The following NBEA variants were observed in gnomAD, a reference collection of about 807,000 sequenced individuals.
NBEA encodes the protein neurobeachin, also known as lysosomal-trafficking regulator 2.
Under a neutral mutation model 343.4 loss-of-function variants are expected in NBEA, and 44 were observed. That is an observed-to-expected ratio of 0.13 (90% CI 0.10 to 0.16). The LOEUF (loss-of-function observed/expected upper bound fraction) is 0.16. NBEA is among the 10% of genes least tolerant of loss of function. The probability of loss-of-function intolerance (pLI) is 1.00; values close to 1 mark genes in which losing one functional copy is unlikely to be tolerated. For missense variants in NBEA, 2,555 were observed against 3,631.3 expected (o/e 0.70, Z 7.62); for synonymous variants, 1,175 against 1,238.7 (o/e 0.95, Z 1.08).
chr13:35,614,295 ACTT>A (rs1435299040), intron 48 of NBEA, among the ~76,000 whole-genome samples: 1 of 152,202 alleles, frequency 6.6e-6, no homozygotes, highest in Non-Finnish European at 1.5e-5. Flanking sequence ...AAGGAATGAT[ACTT>A]CATTTTTTAC....
intron 36 of NBEA, among the ~76,000 whole-genome samples, chr13:35,328,479 T>C (rs899136633): frequency 3.3e-5 from 5 of 151,928 alleles, no homozygotes; most frequent in Non-Finnish European, 7.4e-5. Flanking sequence ...ATTGTACATT[T>C]TGAAATAACT....
At chr13:35,506,209 C>T (rs1256084216) in intron 41 of NBEA, among the ~76,000 whole-genome samples, 6 of 152,052 alleles carry the variant, frequency 3.9e-5, no homozygotes, top group Non-Finnish European at 5.9e-5. Context: ...ACTACAGGCA[C>T]GTGCCAGCAC....
At chr13:35,297,059 G>C (rs1394768519) in intron 35 of NBEA, among the ~76,000 whole-genome samples, 1 of 151,744 alleles carries the variant, frequency 6.6e-6, no homozygotes, top group Non-Finnish European at 1.5e-5. Flanking sequence ...TAAAAACCAG[G>C]AAATTGATAT....
intron 31 of NBEA, among the ~76,000 whole-genome samples, chr13:35,206,898 C>T (rs117867157): frequency 0.013 from 1,902 of 152,012 alleles, 16 homozygotes; most frequent in Middle Eastern, 0.034. Flanking sequence ...ATGAAATAAA[C>T]GAAGGCATTA....
At chr13:35,497,222 T>G (rs981615388) in intron 41 of NBEA, among the ~76,000 whole-genome samples, 1 of 152,040 alleles carries the variant, frequency 6.6e-6, no homozygotes, top group African/African-American at 2.4e-5. Context: ...TAGGAGAAAT[T>G]GAGGAAGTGC....
intron 1 of NBEA, among the ~76,000 whole-genome samples, chr13:34,993,101 A>C (rs979248267): frequency 6.6e-6 from 1 of 152,160 alleles, no homozygotes; most frequent in Non-Finnish European, 1.5e-5. Context: ...CTATACTGCA[A>C]ACACACTAGC....
At chr13:35,308,944 A>C (rs1047305717) in intron 35 of NBEA, among the ~76,000 whole-genome samples, 3 of 151,712 alleles carry the variant, frequency 2.0e-5, no homozygotes, top group African/African-American at 4.8e-5. Flanking sequence ...GTTATCTATT[A>C]CATATTTAGC....
chr13:35,446,112 C>T (rs950222735), intron 39 of NBEA, among the ~76,000 whole-genome samples: 7 of 151,772 alleles, frequency 4.6e-5, no homozygotes, highest in South Asian at 4.2e-4. Flanking sequence ...TGATGGTTTC[C>T]GGCTTCATCC....
chr13:35,541,725 G>GGTGTGTGTGTGTGTGT (rs3075505), intron 41 of NBEA, among the ~76,000 whole-genome samples: 4,165 of 145,098 alleles, frequency 0.029, 60 homozygotes, highest in Non-Finnish European at 0.035. Flanking sequence ...GGTCTGCATG[G>GGTGTGTGTGTGTGTGT]GTGTGTGTGT....
chr13:35,019,518 C>T lies in NBEA; in HGVS notation c.295-21415C>T, dbSNP rs185651472. Among the ~76,000 whole-genome samples, 71 of 151,914 alleles carry T rather than the reference C, an allele frequency of 4.7e-4. 2 individuals carry two copies. The East Asian group carries it at 0.013, about 28-fold the overall frequency. On this transcript the variant is annotated intron_variant, in intron 1 of 58. Transcript: ENST00000379939. ...CTCACCATGTTGGCCAGGCTGGTCT[C>T]GAACTCCTGACCTCAAGTGATCCAC...
intron 1 of NBEA, among the ~76,000 whole-genome samples, chr13:35,017,456 T>G (rs2061696020): frequency 6.6e-6 from 1 of 152,174 alleles, no homozygotes; most frequent in African/African-American, 2.4e-5. Flanking sequence ...GTCCAGTTGT[T>G]TTACATCCTC....
At chr13:35,528,726 T>C (rs1186003414) in intron 41 of NBEA, among the ~76,000 whole-genome samples, 1 of 152,120 alleles carries the variant, frequency 6.6e-6, no homozygotes, top group Non-Finnish European at 1.5e-5. Flanking sequence ...GAAATACATA[T>C]TTTATATAAG....
intron 33 of NBEA, among the ~76,000 whole-genome samples, chr13:35,231,505 T>A (rs967331125): frequency 6.6e-6 from 1 of 152,110 alleles, no homozygotes; most frequent in African/African-American, 2.4e-5. Flanking sequence ...TGTAGAAGAA[T>A]GTGTACTCAT....
At chr13:35,588,525 A>G (rs2081386874) in intron 46 of NBEA, among the ~76,000 whole-genome samples, 1 of 152,192 alleles carries the variant, frequency 6.6e-6, no homozygotes, top group East Asian at 1.9e-4. Flanking sequence ...TTGCTTAAAA[A>G]TGCTAATTAA....
chr13:35,640,521 A>G (rs2083895914), intron 49 of NBEA, among the ~76,000 whole-genome samples: 2 of 152,242 alleles, frequency 1.3e-5, no homozygotes, highest in South Asian at 4.1e-4. Context: ...CCTATGAGAA[A>G]GAAGAAAGAC....
At chr13:35,079,458 C>A (rs2064274397) in intron 10 of NBEA, among the ~76,000 whole-genome samples, 1 of 152,118 alleles carries the variant, frequency 6.6e-6, no homozygotes, top group African/African-American at 2.4e-5. Flanking sequence ...GACAGAAACT[C>A]ACATATTCAT....
At chr13:35,642,841 G>A (rs1395249383) in intron 49 of NBEA, among the ~76,000 whole-genome samples, 1 of 151,652 alleles carries the variant, frequency 6.6e-6, no homozygotes. Flanking sequence ...GTGTGACTTT[G>A]GGCTGAATGT....
intron 41 of NBEA, among the ~76,000 whole-genome samples, chr13:35,508,554 G>T (rs1169798131): frequency 6.6e-6 from 1 of 152,112 alleles, no homozygotes; most frequent in Admixed American, 6.6e-5. Context: ...GGAGTAAAGT[G>T]GATAACATTT....
At chr13:35,484,998 A>T (rs1035715269) in intron 41 of NBEA, among the ~76,000 whole-genome samples, 4 of 152,096 alleles carry the variant, frequency 2.6e-5, no homozygotes, top group Non-Finnish European at 5.9e-5. Flanking sequence ...TAAAGTTTTA[A>T]AACTTCTTTT....
Sources: allele counts gnomAD v4.1 joint callset (sites outside exome capture counted in the v4.1 genomes callset), GRCh38; gene constraint gnomAD v4.1.1; transcripts MANE v1.5; gene names NCBI Gene and HGNC (gene_info 2026-07-23, HGNC 2026-07-21).